Variants in TUBB8 observed in about 807,000 individuals in gnomAD.
The protein encoded by TUBB8 is tubulin beta-8 chain.
TUBB8 carries 25 observed loss-of-function variants against 33.7 expected under a neutral mutation model. The ratio of observed to expected loss-of-function variants is 0.74; its 90% CI spans 0.54 to 1.04. The LOEUF (loss-of-function observed/expected upper bound fraction) is 1.04. Ranked by LOEUF, TUBB8 falls within the 50% of genes least tolerant of loss-of-function variation. TUBB8 has a pLI of 0.00. For missense variants in TUBB8, 279 were observed against 608.0 expected (o/e 0.46, Z 5.69); for synonymous variants, 245 against 240.1 (o/e 1.02, Z -0.19).
rs181961436 is a variant in TUBB8 at position 60,755 on chromosome 10, T to A, written c.-845-10522A>T. Among the ~76,000 whole-genome samples, 83 of 152,326 alleles carry A rather than the reference T, an allele frequency of 5.4e-4. 1 individual carries two copies. Among genetic ancestry groups the A allele is most frequent in the African/African-American group, 1.8e-3 (74 of 41,572 alleles). ...ATACCCAAAGGACTGTAAATCATGC[T>A]GCTGTAAAGACATATGCACACGTAT... On this transcript the variant is annotated intron_variant, in intron 1 of 3. Coordinates refer to the TUBB8 transcript ENST00000564130.
chr10:46,658 G>C (rs1409254296), downstream of TUBB8, among the ~76,000 whole-genome samples: 20 of 151,614 alleles, frequency 1.3e-4, no homozygotes, highest in African/African-American at 4.8e-4. Context: ...GCCAAGGCTT[G>C]CCTTCAGCAA....
At chr10:71,911 TA>T (rs532105627) in intron 1 of TUBB8, among the ~76,000 whole-genome samples, 597 of 138,414 alleles carry the variant, frequency 4.3e-3, no homozygotes, top group African/African-American at 7.6e-3. Context: ...CCTTCTCTCT[TA>T]AAAAAAAAAA....
At chr10:56,240 G>A (rs1834529865) in intron 1 of TUBB8, among the ~76,000 whole-genome samples, 1 of 152,022 alleles carries the variant, frequency 6.6e-6, no homozygotes, top group Non-Finnish European at 1.5e-5. Context: ...TGTGGCTATT[G>A]CAAATAGGAT....
At chr10:73,679 G>C (rs543419724) in intron 1 of TUBB8, among the ~76,000 whole-genome samples, 1 of 151,688 alleles carries the variant, frequency 6.6e-6, no homozygotes, top group Admixed American at 6.6e-5. Flanking sequence ...GCGCTGATCC[G>C]GGGGCGCCCG....
chr10:56,587 A>G (rs1229655932), intron 1 of TUBB8, among the ~76,000 whole-genome samples: 1 of 152,152 alleles, frequency 6.6e-6, no homozygotes, highest in African/African-American at 2.4e-5. Context: ...GCAGGGGGGA[A>G]GTGCTACGCA....
At chr10:74,640 AAAAG>A (rs1313481625), upstream of TUBB8, among the ~76,000 whole-genome samples, 142 of 148,168 alleles carry the variant, frequency 9.6e-4, 1 homozygote, top group South Asian at 9.2e-3. Flanking sequence ...AAAAAAAAAA[AAAAG>A]AAAGAAAGAA....
At chr10:65,936 A>G (rs555540609) in intron 1 of TUBB8, among the ~76,000 whole-genome samples, 1 of 152,282 alleles carries the variant, frequency 6.6e-6, no homozygotes, top group Non-Finnish European at 1.5e-5. Context: ...AGATGCAGGA[A>G]GTACTTTAAA....
At chr10:48,317 C>G (rs1834397342) in intron 3 of TUBB8, 2 of 661,942 alleles carry the variant, frequency 3.0e-6, no homozygotes, top group Middle Eastern at 4.1e-4. Context: ...AAACCTGAGA[C>G]GGGTTCACAG....
At chr10:63,522 T>C (rs1296974793) in intron 1 of TUBB8, among the ~76,000 whole-genome samples, 1 of 152,268 alleles carries the variant, frequency 6.6e-6, no homozygotes, top group Non-Finnish European at 1.5e-5. Flanking sequence ...TCTTTTCAAA[T>C]AGTCTGACTT....
At chr10:63,049 T>G in intron 1 of TUBB8, among the ~76,000 whole-genome samples, 1 of 151,466 alleles carries the variant, frequency 6.6e-6, no homozygotes, top group African/African-American at 2.4e-5. Flanking sequence ...TTGTTTAATA[T>G]TATCTAATAT....
At chr10:64,826 T>A (rs1217854981) in intron 1 of TUBB8, among the ~76,000 whole-genome samples, 1 of 152,142 alleles carries the variant, frequency 6.6e-6, no homozygotes, top group Non-Finnish European at 1.5e-5. Flanking sequence ...ATTAAAAGAA[T>A]ATTAAAATAT....
intron 1 of TUBB8, among the ~76,000 whole-genome samples, chr10:64,211 A>G (rs1347162402): frequency 6.6e-6 from 1 of 152,026 alleles, no homozygotes; most frequent in Non-Finnish European, 1.5e-5. Flanking sequence ...TAGCCATAGA[A>G]CTTGGTCTCA....
chr10:50,210 T>C (rs1554739349), upstream of TUBB8: 3 of 152,280 alleles, frequency 2.0e-5, no homozygotes, highest in Non-Finnish European at 2.9e-5. Context: ...GTCACCTGTT[T>C]TAGTGTCTTG....
chr10:68,363 A>C lies in TUBB8; in HGVS notation c.-846+5606T>G, dbSNP rs542971197. 4.6e-5 allele frequency among the ~76,000 whole-genome samples: 7 copies of C among 152,312 alleles called. No homozygotes were observed. The East Asian group carries it at 1.3e-3, about 29-fold the overall frequency. The stretch of plus-strand genomic sequence containing the variant: ...AATACTGATATGATGCACACAATAC[A>C]GATATGACACCTGAAATACTGATAT... On this transcript the variant is annotated intron_variant, in intron 1 of 3. Coordinates refer to the TUBB8 transcript ENST00000564130.
At chr10:63,155 G>A (rs1345545592) in intron 1 of TUBB8, among the ~76,000 whole-genome samples, 4 of 151,812 alleles carry the variant, frequency 2.6e-5, no homozygotes, top group African/African-American at 9.7e-5. Context: ...CTCACTGCAA[G>A]CTCCGCCTCC....
upstream of TUBB8, among the ~76,000 whole-genome samples, chr10:51,575 C>G (rs559925063): frequency 6.6e-6 from 1 of 152,274 alleles, no homozygotes; most frequent in South Asian, 2.1e-4. Context: ...TTATTAGCAG[C>G]ATAAGAACAG....
At chr10:73,650 A>C (rs56267745) in intron 1 of TUBB8, among the ~76,000 whole-genome samples, 40,194 of 150,516 alleles carry the variant, frequency 0.27, 5,546 homozygotes, top group Non-Finnish European at 0.35. Flanking sequence ...TCTCCAAAAC[A>C]AAACAAAACA....
chr10:60,894 C>T (rs1834593281), intron 1 of TUBB8, among the ~76,000 whole-genome samples: 1 of 151,840 alleles, frequency 6.6e-6, no homozygotes, highest in African/African-American at 2.4e-5. Flanking sequence ...TACTATGCAG[C>T]CATAAAAAAT....
At chr10:67,284 T>C (rs11253113) in intron 1 of TUBB8, among the ~76,000 whole-genome samples, 39,161 of 151,402 alleles carry the variant, frequency 0.26, 4,409 homozygotes, top group Middle Eastern at 0.38. Flanking sequence ...AATCTGTAGA[T>C]GGCTTTGTGT....
Sources: gnomAD v4.1 joint callset for allele counts (sites outside exome capture counted in the v4.1 genomes callset) on GRCh38, gnomAD v4.1.1 for gene constraint, MANE v1.5 for transcripts, NCBI Gene and HGNC (gene_info 2026-07-23, HGNC 2026-07-21) for gene names.